The following PTPRD variants were observed in gnomAD, a reference collection of about 807,000 sequenced individuals.
PTPRD encodes receptor-type tyrosine-protein phosphatase delta.
A neutral mutation model predicts 214.5 loss-of-function variants in PTPRD; 34 were observed. That is an observed-to-expected ratio of 0.16 (90% CI 0.12 to 0.21). The LOEUF (loss-of-function observed/expected upper bound fraction) is 0.21. Ranked by LOEUF, PTPRD falls within the 10% of genes least tolerant of loss-of-function variation. PTPRD has a pLI of 1.00. For missense variants in PTPRD, 2,545 were observed against 2,398.7 expected, an observed-to-expected ratio of 1.06 and a Z score of -1.27; for synonymous variants, 1,128 against 845.7, an observed-to-expected ratio of 1.33 and a Z score of -5.79.
chr9:10,580,463 C>T (rs1477541822), intron 2 of PTPRD, among the ~76,000 whole-genome samples: 2 of 152,006 alleles, frequency 1.3e-5, no homozygotes, highest in African/African-American at 4.8e-5. Context: ...CTTTTTGGTT[C>T]TTGTATATTT....
At chr9:8,578,398 A>C (rs2092696982) in intron 14 of PTPRD, among the ~76,000 whole-genome samples, 1 of 129,016 alleles carries the variant, frequency 7.8e-6, no homozygotes, top group Admixed American at 7.8e-5. Flanking sequence ...ACAGAGTTTA[A>C]TGTTTGCCCT....
intron 35 of PTPRD, among the ~76,000 whole-genome samples, chr9:8,427,881 C>A (rs1315655207): frequency 6.6e-6 from 1 of 151,680 alleles, no homozygotes; most frequent in Non-Finnish European, 1.5e-5. Flanking sequence ...GTGGTACATG[C>A]AATGATGGAG....
chr9:8,748,142 G>A lies in PTPRD; in HGVS notation c.-103-14196C>T, dbSNP rs146170697. Among the ~76,000 whole-genome samples, 1,360 of 152,190 alleles carry A rather than the reference G, an allele frequency of 8.9e-3. 22 individuals carry two copies. The highest frequency in any genetic ancestry group is 0.031 in the African/African-American group (1,274 of 41,524). Reference sequence around the variant, plus strand: ...CAATTCAGCAGGAAGCAGTTAGAGCGGTTGTCAGCCAACCTCCCCAACAGC... The same window carrying A: ...CAATTCAGCAGGAAGCAGTTAGAGCAGTTGTCAGCCAACCTCCCCAACAGC... On this transcript the variant is annotated intron_variant, in intron 11 of 45. Coordinates refer to ENST00000381196, the MANE Select transcript of PTPRD (RefSeq NM_002839.4).
At chr9:9,712,576 T>C (rs1008317533) in intron 7 of PTPRD, among the ~76,000 whole-genome samples, 6 of 152,112 alleles carry the variant, frequency 3.9e-5, no homozygotes, top group East Asian at 1.9e-4. Context: ...ACTCAAACAA[T>C]GGCAGACGGC....
chr9:9,250,864 CT>C (rs1464468963), intron 9 of PTPRD, among the ~76,000 whole-genome samples: 1 of 152,004 alleles, frequency 6.6e-6, no homozygotes, highest in Non-Finnish European at 1.5e-5. Flanking sequence ...TGTGAAAAGT[CT>C]TTTTATTTAT....
intron 8 of PTPRD, among the ~76,000 whole-genome samples, chr9:9,551,489 AAT>A (rs144744674): frequency 6.6e-6 from 1 of 151,672 alleles, no homozygotes; most frequent in Non-Finnish European, 1.5e-5. Context: ...ATGGTAATAG[AAT>A]ATATATATAT....
intron 9 of PTPRD, among the ~76,000 whole-genome samples, chr9:9,386,344 T>A (rs1290102752): frequency 1.3e-5 from 2 of 152,110 alleles, no homozygotes; most frequent in Non-Finnish European, 2.9e-5. Context: ...GGTACGGCAC[T>A]GAGAAAACAA....
intron 2 of PTPRD, among the ~76,000 whole-genome samples, chr9:10,401,221 C>G (rs559282685): frequency 6.6e-6 from 1 of 151,632 alleles, no homozygotes; most frequent in South Asian, 2.1e-4. Context: ...TTACTTTGCA[C>G]TTGCAATTGT....
intron 30 of PTPRD, among the ~76,000 whole-genome samples, chr9:8,475,264 C>T (rs1339673674): frequency 1.3e-5 from 2 of 152,134 alleles, no homozygotes; most frequent in African/African-American, 4.8e-5. Flanking sequence ...GTCCTTCTTG[C>T]CCTCTTAGCA....
At chr9:10,130,205 T>C (rs2098850069) in intron 3 of PTPRD, among the ~76,000 whole-genome samples, 1 of 150,962 alleles carries the variant, frequency 6.6e-6, no homozygotes, top group Admixed American at 6.6e-5. Context: ...TCTTATCTAC[T>C]GGGACATAAT....
At position 9,833,681 on chromosome 9, in the gene PTPRD, A is replaced by T. The variant is rs7466644; in HGVS notation, c.-367-66830T>A. Among the ~76,000 whole-genome samples the T allele has an allele frequency of 7.6e-4, 75 of 98,676 alleles. 4 individuals are homozygous for T. Among genetic ancestry groups the T allele is most frequent in the East Asian group, 4.2e-3 (15 of 3,610 alleles). The allele number at this position is 98,676 out of a possible 152,430, so 64.7% of individuals were successfully genotyped here. A position where few individuals can be genotyped will look rare whatever the true frequency, so the allele number is the denominator to read the frequency against. On this transcript the variant is annotated intron_variant, in intron 5 of 45. Coordinates refer to ENST00000381196, the MANE Select transcript of PTPRD (RefSeq NM_002839.4). ...ACCATAAGAGACAGGTACGCTCCGG[A>T]GAGGGGGGCAGTTCAGAGACCTACC...
chr9:9,174,706 A>C (rs1209525488), intron 10 of PTPRD, among the ~76,000 whole-genome samples: 1 of 152,216 alleles, frequency 6.6e-6, no homozygotes, highest in Non-Finnish European at 1.5e-5. Context: ...TATTTCAAAA[A>C]GTGATTGAAA....
intron 12 of PTPRD, among the ~76,000 whole-genome samples, chr9:8,658,425 A>C (rs2154351868): frequency 6.6e-6 from 1 of 152,298 alleles, no homozygotes; most frequent in Middle Eastern, 3.4e-3. Context: ...CCATTAAGGC[A>C]ATTTTTCCCA....
At chr9:9,255,251 A>C (rs111377894) in intron 9 of PTPRD, among the ~76,000 whole-genome samples, 5,193 of 152,178 alleles carry the variant, frequency 0.034, 319 homozygotes, top group African/African-American at 0.12. Context: ...ATTTTATTTA[A>C]ATTTAGATTC....
intron 5 of PTPRD, among the ~76,000 whole-genome samples, chr9:9,767,283 T>C (rs1455958029): frequency 6.6e-6 from 1 of 152,026 alleles, no homozygotes; most frequent in Non-Finnish European, 1.5e-5. Context: ...TGTTTGTTCA[T>C]CAAAAAGTGG....
At chr9:8,638,860 T>G (rs1019647066) in intron 12 of PTPRD, among the ~76,000 whole-genome samples, 4 of 152,112 alleles carry the variant, frequency 2.6e-5, no homozygotes, top group Non-Finnish European at 4.4e-5. Flanking sequence ...ATTTATTTAT[T>G]TTAGATGGAG....
intron 3 of PTPRD, among the ~76,000 whole-genome samples, chr9:10,282,713 T>C (rs559868748): frequency 3.2e-5 from 4 of 126,576 alleles, no homozygotes; most frequent in Non-Finnish European, 7.6e-5. Context: ...TTCACACTGA[T>C]TTTTTTTAAG....
Position 8,773,495 on chromosome 9 carries a change from C to T in PTPRD, c.-103-39549G>A, listed in dbSNP as rs557647361. Among the ~76,000 whole-genome samples, 12 of 152,278 alleles carry T rather than the reference C, an allele frequency of 7.9e-5. No homozygotes were observed. The South Asian group carries it at 2.1e-3, about 26-fold the overall frequency. On this transcript the variant is annotated intron_variant, in intron 11 of 45. Transcript: ENST00000381196. ...TACTTCAGGACCTGAAGTCCCATGT[C>T]TTGAGGACCACTGTTGCATGTATTT...
intron 5 of PTPRD, among the ~76,000 whole-genome samples, chr9:9,836,522 G>A (rs1402780105): frequency 6.6e-6 from 1 of 152,070 alleles, no homozygotes; most frequent in African/African-American, 2.4e-5. Context: ...GCCAATAATA[G>A]ATATCAGCAT....
Sources: gnomAD v4.1 joint callset for allele counts (sites outside exome capture counted in the v4.1 genomes callset) on GRCh38, gnomAD v4.1.1 for gene constraint, MANE v1.5 for transcripts, NCBI Gene and HGNC (gene_info 2026-07-23, HGNC 2026-07-21) for gene names.